The following ZBP1 variants were observed in gnomAD, a reference collection of about 807,000 sequenced individuals.
ZBP1 encodes the protein Z-DNA binding protein 1.
Under a neutral mutation model 41.1 loss-of-function variants are expected in ZBP1, and 42 were observed. The ratio of observed to expected loss-of-function variants is 1.02; its 90% CI spans 0.80 to 1.32. The LOEUF (loss-of-function observed/expected upper bound fraction) is 1.32. ZBP1 is among the 40% of genes most tolerant of loss of function. The pLI, the probability that ZBP1 is intolerant of heterozygous loss-of-function variation, is 0.00. For synonymous variants in ZBP1, 214 were observed against 205.2 expected, an observed-to-expected ratio of 1.04 and a Z score of -0.37; for missense variants, 562 against 549.7, an observed-to-expected ratio of 1.02 and a Z score of -0.22.
In ZBP1 at chr20:57,604,370, C is replaced by A. The variant is rs563334593; in HGVS notation, c.*203G>T. The A allele has an allele frequency of 1.1e-4, 76 of 714,348 alleles. No individual in the cohort carries two copies. In the African/African-American group the frequency reaches 1.1e-3, roughly 11 times the overall value. The allele number at this position is 714,348 out of a possible 1,614,324, so 44.3% of individuals were successfully genotyped here. On this transcript the variant is annotated 3_prime_UTR_variant, in exon 8 of 8. Transcript: ENST00000371173. ...ACCAAAGGTTCCCCAAGGCAACTCC[C>A]TGTCATCTACTCCTGGCCATCAAAA... is the stretch of plus-strand genomic sequence containing the variant.
chr20:57,619,897 C>T (rs1324226624), intron 1 of ZBP1, among the ~76,000 whole-genome samples: 9 of 151,006 alleles, frequency 6.0e-5, no homozygotes, highest in African/African-American at 2.2e-4. Context: ...AGTGCAATGG[C>T]GACATCTCAG....
At chr20:57,619,828 C>T (rs1255446547) in intron 1 of ZBP1, among the ~76,000 whole-genome samples, 1 of 151,700 alleles carries the variant, frequency 6.6e-6, no homozygotes, top group Admixed American at 6.5e-5. Context: ...GCTATGCTGT[C>T]CCTTTCTATT....
In ZBP1 at chr20:57,611,779, G is replaced by T. The variant is rs1471343107; in HGVS notation, c.822C>A (p.Leu274=). Residue 274 remains leucine, a synonymous_variant, in exon 6 of 8, where the codon CTC becomes CTA. Transcript: ENST00000371173. ...VQLGHSNEMR[L]HGVPSEGPAH... The stretch of plus-strand genomic sequence containing the variant: ...CAGGGCCCTCGGACGGGACGCCGTG[G>T]AGCCTCATCTCATTGCTGTGTCCCA... 4 of 1,612,854 alleles carry T rather than the reference G, an allele frequency of 2.5e-6. No homozygotes were observed. The highest frequency in any genetic ancestry group is 1.3e-5 in the African/African-American group (1 of 75,040).
At chr20:57,607,398 T>C (rs926415389) in intron 7 of ZBP1, 2 of 1,196,972 alleles carry the variant, frequency 1.7e-6, no homozygotes, top group Non-Finnish European at 2.1e-6. Flanking sequence ...CTTGAACAGA[T>C]GAGTTGCTTC....
rs763767434 is a variant in ZBP1 at position 57,613,730 on chromosome 20, C to T, written c.503-400G>A. On this transcript the variant is annotated intron_variant, in intron 4 of 7. Transcript: ENST00000371173. The surrounding 1 kb of genome is among the most constrained non-coding windows in gnomAD (Gnocchi z 4.5). ...CAGCAGCCCATTGGGCCAGATCGGT[C>T]GTGTTTGGCTCCCATGACATTTTCA... Among the ~76,000 whole-genome samples the T allele has an allele frequency of 1.3e-5, 2 of 152,218 alleles. No individual in the cohort carries two copies. Among genetic ancestry groups the T allele is most frequent in the African/African-American group, 2.4e-5 (1 of 41,458 alleles).
rs1263625286 is a variant in ZBP1 at position 57,616,403 on chromosome 20, G to T, written c.100C>A (p.Leu34Met). 1 of 1,614,142 alleles carries T rather than the reference G, an allele frequency of 6.2e-7. No individual in the cohort carries two copies. The highest frequency in any genetic ancestry group is 8.5e-7 in the Non-Finnish European group (1 of 1,180,020). The change falls in exon 2 of 8, where the codon CTG becomes ATG. Residue 34 changes from leucine (L) to methionine (M), a missense_variant. Coordinates refer to ENST00000371173, the MANE Select transcript of ZBP1 (RefSeq NM_030776.3). ...EAGSPVKLAQ[L>M]VKECQAPKRE... ...TTGGGTGCTTGGCATTCCTTCACCA[G>T]CTGGGCAAGTTTCACCGGGGAGCCA...
rs78386672 is a variant in ZBP1, at chr20:57,613,139, C to T, written c.670+24G>A. The T allele has an allele frequency of 1.4e-3, 2,244 of 1,614,088 alleles. 29 individuals carry two copies. In the African/African-American group the frequency reaches 0.024, roughly 18 times the overall value. ...GGTGGCTCCCCACCGAGGTCCCCTC[C>T]CTGGGCTCTCTTGGGTGACTTACCG... On this transcript the variant is annotated intron_variant, in intron 5 of 7. Coordinates refer to ENST00000371173, the MANE Select transcript of ZBP1 (RefSeq NM_030776.3). This position sits in a 1 kb window ranked among gnomAD's most constrained non-coding sequence, Gnocchi z 4.5.
Position 57,613,442 on chromosome 20 carries a change from C to G in ZBP1, c.503-112G>C, listed in dbSNP as rs911404464. 9.1e-6 allele frequency: 11 copies of G among 1,214,906 alleles called. No individual in the cohort carries two copies. Among genetic ancestry groups the G allele is most frequent in the Non-Finnish European group, 7.0e-6 (6 of 855,136 alleles). 75.3% of individuals were successfully genotyped at this position (1,214,906 alleles called of 1,614,324 possible). On this transcript the variant is annotated intron_variant, in intron 4 of 7. Transcript: ENST00000371173. The surrounding 1 kb of genome is among the most constrained non-coding windows in gnomAD (Gnocchi z 4.5). ...GGGGAGCTTGTTAAAATACCCTGGG[C>G]GTTCCGAGTCAGTAGGGCCAAGTGG...
intron 7 of ZBP1, among the ~76,000 whole-genome samples, chr20:57,608,666 C>G (rs6123712): frequency 6.6e-6 from 1 of 152,114 alleles, no homozygotes; most frequent in East Asian, 1.9e-4. Context: ...CTGAGGAATG[C>G]GCTCCTGGTC....
Position 57,610,559 on chromosome 20 carries a change from G to A in ZBP1, c.875-192C>T. Reference sequence around the variant, plus strand: ...TCCGCTCGTGCTGTTGTGCTGTCTGGGAAGCGTCTTTCTGCTCCACTGATC... The same window carrying A: ...TCCGCTCGTGCTGTTGTGCTGTCTGAGAAGCGTCTTTCTGCTCCACTGATC... On this transcript the variant is annotated intron_variant, in intron 6 of 7. Coordinates refer to ENST00000371173, the MANE Select transcript of ZBP1 (RefSeq NM_030776.3). The surrounding 1 kb of genome is among the most constrained non-coding windows in gnomAD (Gnocchi z 5.5). 1 of 617,624 alleles carries A rather than the reference G, an allele frequency of 1.6e-6. No individual in the cohort carries two copies. Among genetic ancestry groups the A allele is most frequent in the Non-Finnish European group, 2.9e-6 (1 of 350,812 alleles). 38.3% of individuals were successfully genotyped at this position (617,624 alleles called of 1,614,324 possible).
intron 1 of ZBP1, among the ~76,000 whole-genome samples, chr20:57,619,196 G>A (rs1366554578): frequency 1.3e-5 from 2 of 152,154 alleles, no homozygotes; most frequent in South Asian, 2.1e-4. Context: ...CGGTCAGCCC[G>A]GCTCCTGGGC....
At chr20:57,608,272 C>T (rs2070546935) in intron 7 of ZBP1, among the ~76,000 whole-genome samples, 1 of 152,176 alleles carries the variant, frequency 6.6e-6, no homozygotes, top group Non-Finnish European at 1.5e-5. Flanking sequence ...CATGTGCCCG[C>T]CACCATGCCT....
chr20:57,610,565 G>A lies in ZBP1; in HGVS notation c.875-198C>T, dbSNP rs544912730. ...CGTGCTGTTGTGCTGTCTGGGAAGC[G>A]TCTTTCTGCTCCACTGATCCCGCAG... On this transcript the variant is annotated intron_variant, in intron 6 of 7. Transcript: ENST00000371173. The surrounding 1 kb of genome is among the most constrained non-coding windows in gnomAD (Gnocchi z 5.5). 2.6e-4 allele frequency: 157 copies of A among 613,128 alleles called. No homozygotes were observed. The highest frequency in any genetic ancestry group is 8.8e-4 in the Middle Eastern group (2 of 2,264). 38.0% of individuals were successfully genotyped at this position (613,128 alleles called of 1,614,324 possible). A position where few individuals can be genotyped will look rare whatever the true frequency, so the allele number is the denominator to read the frequency against.
rs1192036171 is a variant in ZBP1 at position 57,611,728 on chromosome 20, T to TG, written c.872dup (p.Val292SerfsTer13). On this transcript the variant is annotated frameshift_variant and splice_region_variant, in exon 6 of 8. Transcript: ENST00000371173. LOFTEE classifies it high-confidence loss of function. ...GTCTGGCCTCTAGATCCCAGTTACC[T>TG]GGGGGGCTGCCAGGGGGGATGTGGG... 1.9e-6 allele frequency: 3 copies of TG among 1,606,888 alleles called. No individual in the cohort carries two copies. The highest frequency in any genetic ancestry group is 8.5e-7 in the Non-Finnish European group (1 of 1,177,652).
At position 57,604,567 on chromosome 20, in the gene ZBP1, T is replaced by C. The variant is rs1247883735; in HGVS notation, c.*6A>G. ...CCTGTGTCCAAGCCCCACGTGAGGC[T>C]GTGCACTAAATCCCACCTCCCCACC... On this transcript the variant is annotated 3_prime_UTR_variant, in exon 8 of 8. Transcript: ENST00000371173. The C allele has an allele frequency of 6.2e-7, 1 of 1,612,314 alleles. No homozygotes were observed. The highest frequency in any genetic ancestry group is 8.5e-7 in the Non-Finnish European group (1 of 1,178,894).
At chr20:57,607,249 C>G (rs1245198211) in intron 7 of ZBP1, 1 of 1,303,570 alleles carries the variant, frequency 7.7e-7, no homozygotes, top group Admixed American at 2.3e-5. Flanking sequence ...GAAGTTGATT[C>G]CAAATTTCAT....
chr20:57,611,853 C>A lies in ZBP1; in HGVS notation c.748G>T (p.Gly250Trp), dbSNP rs1427230353. ...STWGTLVDPW[G>W]PQDIHMEQSI... Reference sequence around the variant, plus strand: ...TGCTCCATGTGGATGTCCTGGGGCCCCCAGGGATCAACTAGGGTCCCCCAA... The same window carrying A: ...TGCTCCATGTGGATGTCCTGGGGCCACCAGGGATCAACTAGGGTCCCCCAA... The change falls in exon 6 of 8, where the codon GGG becomes TGG. Residue 250 changes from glycine (G) to tryptophan (W), a missense_variant. Physicochemically the swap from Gly to Trp is radical, Grantham distance 184 (BLOSUM62 -2). Coordinates refer to ENST00000371173, the MANE Select transcript of ZBP1 (RefSeq NM_030776.3). The A allele has an allele frequency of 6.3e-7, 1 of 1,595,412 alleles. No homozygotes were observed. Among genetic ancestry groups the A allele is most frequent in the Non-Finnish European group, 8.5e-7 (1 of 1,170,922 alleles).
At position 57,615,963 on chromosome 20, in the gene ZBP1, C is replaced by T. The variant is rs574924583; in HGVS notation, c.259+281G>A. ...GGGACCATGGCGTCATTGCTGTCTC[C>T]ATCATGATGATTTTCTATTATAATT... On this transcript the variant is annotated intron_variant, in intron 2 of 7. Coordinates refer to ENST00000371173, the MANE Select transcript of ZBP1 (RefSeq NM_030776.3). The T allele has an allele frequency of 1.8e-3, 1,009 of 557,992 alleles. 27 individuals carry two copies. The South Asian group carries it at 0.022, about 12-fold the overall frequency. The allele number at this position is 557,992 out of a possible 1,614,324, so 34.6% of individuals were successfully genotyped here.
intron 7 of ZBP1, chr20:57,607,077 T>C (rs2070516476): frequency 7.7e-7 from 1 of 1,301,820 alleles, no homozygotes; most frequent in Non-Finnish European, 1.0e-6. Flanking sequence ...TCAATAAATA[T>C]ATTTTATGAG....
Sources: allele counts gnomAD v4.1 joint callset (sites outside exome capture counted in the v4.1 genomes callset), GRCh38; gene constraint gnomAD v4.1.1; non-coding constraint Gnocchi (gnomAD v3.1); transcripts MANE v1.5; gene names NCBI Gene and HGNC (gene_info 2026-07-23, HGNC 2026-07-21).